Variants in STPG2 observed in about 807,000 individuals in gnomAD.
STPG2 encodes the protein sperm-tail PG-rich repeat-containing protein 2.
In STPG2, 56 loss-of-function variants were observed where a neutral mutation model predicts 54.2. The observed-to-expected ratio is 1.03, with a 90% confidence interval of 0.83 to 1.29. The LOEUF (loss-of-function observed/expected upper bound fraction) is 1.29. STPG2 is among the 50% of genes most tolerant of loss of function. The pLI is 0.00. For missense variants in STPG2, 596 were observed against 544.9 expected, an observed-to-expected ratio of 1.09 and a Z score of -0.93; for synonymous variants, 200 against 181.8, an observed-to-expected ratio of 1.10 and a Z score of -0.81.
At chr4:98,030,416 T>G (rs967618832) in intron 5 of STPG2, among the ~76,000 whole-genome samples, 1 of 152,196 alleles carries the variant, frequency 6.6e-6, no homozygotes, top group Non-Finnish European at 1.5e-5. Flanking sequence ...GCTTTATACA[T>G]TATCAAGGGA....
chr4:97,845,827 G>A (rs1728932742), intron 8 of STPG2, among the ~76,000 whole-genome samples: 1 of 152,194 alleles, frequency 6.6e-6, no homozygotes, highest in South Asian at 2.1e-4. Context: ...ACCTTCCTAT[G>A]TAAATTGAGA....
At chr4:97,578,030 T>C (rs1732766201) in intron 10 of STPG2, among the ~76,000 whole-genome samples, 1 of 151,968 alleles carries the variant, frequency 6.6e-6, no homozygotes, top group Non-Finnish European at 1.5e-5. Context: ...ATTACGAATA[T>C]AACACGCCTC....
intron 10 of STPG2, among the ~76,000 whole-genome samples, chr4:97,661,692 A>G (rs1722380522): frequency 6.6e-6 from 1 of 152,054 alleles, no homozygotes; most frequent in Non-Finnish European, 1.5e-5. Context: ...TTAAGTGAAA[A>G]GAAAAGTCAT....
At chr4:97,836,024 G>A (rs79604162) in intron 9 of STPG2, among the ~76,000 whole-genome samples, 2 of 152,014 alleles carry the variant, frequency 1.3e-5, no homozygotes, top group African/African-American at 2.4e-5. Context: ...TTTACTCCTG[G>A]TGAAGATGCT....
intron 4 of STPG2, among the ~76,000 whole-genome samples, chr4:97,540,940 C>G (rs532638529): frequency 3.3e-5 from 5 of 152,058 alleles, no homozygotes; most frequent in Non-Finnish European, 2.9e-5. Context: ...TAAAAACTCT[C>G]AATAAATTAG....
At chr4:97,862,100 A>G (rs898655511) in intron 8 of STPG2, among the ~76,000 whole-genome samples, 12 of 152,114 alleles carry the variant, frequency 7.9e-5, no homozygotes, top group Non-Finnish European at 1.8e-4. Context: ...AATGGGCTAA[A>G]TTACCCAATT....
chr4:98,022,871 G>T (rs1435256797), intron 5 of STPG2, among the ~76,000 whole-genome samples: 1 of 152,120 alleles, frequency 6.6e-6, no homozygotes, highest in Non-Finnish European at 1.5e-5. Context: ...AGCTCCATCA[G>T]CTCCTTTAAG....
chr4:97,459,430 G>GA (rs1295142610), intron 4 of STPG2, among the ~76,000 whole-genome samples: 3 of 134,878 alleles, frequency 2.2e-5, no homozygotes, highest in Non-Finnish European at 4.8e-5. Context: ...AAGGATGCCT[G>GA]TTTTTTTTTG....
intron 9 of STPG2, among the ~76,000 whole-genome samples, chr4:97,781,884 C>A (rs945095864): frequency 1.3e-5 from 2 of 151,536 alleles, no homozygotes; most frequent in South Asian, 4.1e-4. Flanking sequence ...ATTCAACAGC[C>A]CTTCATGCTA....
At chr4:98,134,311 G>A (rs768980383) in intron 2 of STPG2, 36 bp downstream of exon 2, 1 of 1,299,554 alleles carries the variant, frequency 7.7e-7, no homozygotes, top group South Asian at 1.8e-5. Context: ...AGAAAACATG[G>A]TTTTATTAAG....
chr4:97,797,273 A>G (rs1459632364), intron 9 of STPG2, among the ~76,000 whole-genome samples: 1 of 152,202 alleles, frequency 6.6e-6, no homozygotes, highest in Non-Finnish European at 1.5e-5. Context: ...GCCAGTTTTC[A>G]AAGGGAATGC....
chr4:97,570,972 T>C (rs1732585311), intron 10 of STPG2, among the ~76,000 whole-genome samples: 1 of 152,154 alleles, frequency 6.6e-6, no homozygotes, highest in Non-Finnish European at 1.5e-5. Flanking sequence ...ATTTTTCCCC[T>C]GCAGAACTTA....
At position 97,654,460 on chromosome 4, in the gene STPG2, C is replaced by A. The variant is rs187591786; in HGVS notation, c.1320+58239G>T. On this transcript the variant is annotated intron_variant, in intron 10 of 10. Transcript: ENST00000295268. ...TCACAAGGTTTGATATGCATCAATCCGACAATTCCACTTCCTGACCATCCT... is the reference window on the plus strand; with the variant it reads ...TCACAAGGTTTGATATGCATCAATCAGACAATTCCACTTCCTGACCATCCT... 4.0e-5 allele frequency among the ~76,000 whole-genome samples: 6 copies of A among 151,876 alleles called. No individual in the cohort carries two copies. In the East Asian group the frequency reaches 1.2e-3, roughly 29 times the overall value.
intron 5 of STPG2, among the ~76,000 whole-genome samples, chr4:98,101,864 T>TCCCCCCCCCCCCCCCCCCCCCCCC (rs140638030): frequency 2.1e-5 from 3 of 143,880 alleles, no homozygotes; most frequent in Non-Finnish European, 4.6e-5. Context: ...TTTCATTATC[T>TCCCCCCCCCCCCCCCCCCCCCCCC]TCCCCCTCCC....
At chr4:97,556,519 A>G (rs1406625469), downstream of STPG2, among the ~76,000 whole-genome samples, 2 of 152,322 alleles carry the variant, frequency 1.3e-5, no homozygotes, top group East Asian at 3.9e-4. Context: ...CACTAAAAGG[A>G]GAAAATTGCA....
At chr4:98,061,872 A>G (rs7683786) in intron 5 of STPG2, among the ~76,000 whole-genome samples, 59,898 of 151,976 alleles carry the variant, frequency 0.39, 12,021 homozygotes, top group Middle Eastern at 0.46. Context: ...TTCAAACACT[A>G]TGGAAAGCAG....
chr4:97,727,710 G>T (rs1378259636), intron 9 of STPG2, among the ~76,000 whole-genome samples: 1 of 133,120 alleles, frequency 7.5e-6, no homozygotes, highest in East Asian at 2.0e-4. Flanking sequence ...CAACACGTAT[G>T]ATCATGGATT....
intron 4 of STPG2, among the ~76,000 whole-genome samples, chr4:97,552,821 C>A (rs546780936): frequency 6.6e-6 from 1 of 152,082 alleles, no homozygotes; most frequent in African/African-American, 2.4e-5. Flanking sequence ...GTTCTCAATG[C>A]ATCCGAGCAG....
At chr4:97,609,230 T>C (rs1209530109) in intron 10 of STPG2, among the ~76,000 whole-genome samples, 1 of 152,064 alleles carries the variant, frequency 6.6e-6, no homozygotes, top group African/African-American at 2.4e-5. Context: ...CCACACATTG[T>C]GCTTTCTTAG....
Sources: gnomAD v4.1 joint callset for allele counts (sites outside exome capture counted in the v4.1 genomes callset) on GRCh38, gnomAD v4.1.1 for gene constraint, MANE v1.5 for transcripts, NCBI Gene and HGNC (gene_info 2026-07-23, HGNC 2026-07-21) for gene names.